The following PDE9A variants were observed in gnomAD, a reference collection of about 807,000 sequenced individuals.
PDE9A encodes the protein phosphodiesterase 9A, also known as high affinity cGMP-specific 3',5'-cyclic phosphodiesterase 9A.
A neutral mutation model predicts 87.4 loss-of-function variants in PDE9A; 60 were observed. The observed-to-expected ratio is 0.69, with a 90% CI of 0.56 to 0.85. The LOEUF is 0.85. Ranked by LOEUF, PDE9A falls within the 40% of genes least tolerant of loss-of-function variation. The pLI, the probability that PDE9A is intolerant of heterozygous loss-of-function variation, is 0.00. For missense variants in PDE9A, 665 were observed against 779.0 expected (o/e 0.85, Z 1.74); for synonymous variants, 272 against 279.4 (o/e 0.97, Z 0.27).
intron 1 of PDE9A, among the ~76,000 whole-genome samples, chr21:42,670,259 TCA>T (rs952649114): frequency 2.0e-4 from 26 of 128,242 alleles, no homozygotes; most frequent in Non-Finnish European, 2.9e-4. Context: ...ATACATACAT[TCA>T]CACACATATT....
intron 1 of PDE9A, among the ~76,000 whole-genome samples, chr21:42,679,116 G>A (rs8131548): frequency 0.024 from 3,711 of 152,302 alleles, 142 homozygotes; most frequent in African/African-American, 0.084. Flanking sequence ...GCTGCACCAG[G>A]ACACATTCAC....
rs368066041 is a variant in PDE9A, at chr21:42,668,478, A to C, written c.69+14595A>C. Reference sequence around the variant, plus strand: ...CGTATCCAGGAGTCAAGCAGATTGCAACTGGCGAGAGGCCTTCAGAAATGC... The same window carrying C: ...CGTATCCAGGAGTCAAGCAGATTGCCACTGGCGAGAGGCCTTCAGAAATGC... On this transcript the variant is annotated intron_variant, in intron 1 of 19. Coordinates refer to ENST00000291539, the MANE Select transcript of PDE9A (RefSeq NM_002606.3). Among the ~76,000 whole-genome samples, 4 of 152,194 alleles carry C rather than the reference A, an allele frequency of 2.6e-5. No individual in the cohort carries two copies. In the East Asian group the frequency reaches 7.7e-4, roughly 29 times the overall value.
chr21:42,699,051 A>G, intron 4 of PDE9A, 40 bp downstream of exon 4: 3 of 1,409,642 alleles, frequency 2.1e-6, no homozygotes, highest in Non-Finnish European at 3.0e-6. Context: ...AAAGAAGGAA[A>G]AAGAAATCTT....
intron 1 of PDE9A, among the ~76,000 whole-genome samples, chr21:42,656,080 C>T (rs1444208889): frequency 1.3e-5 from 2 of 152,336 alleles, no homozygotes; most frequent in East Asian, 1.9e-4. Flanking sequence ...AGCCGCCATT[C>T]CTTCTCTTAA....
intron 10 of PDE9A, 31 bp from the exon 11 acceptor site, chr21:42,758,968 C>T: frequency 6.4e-7 from 1 of 1,554,440 alleles, no homozygotes; most frequent in Non-Finnish European, 8.9e-7. Flanking sequence ...CACACAACTG[C>T]CCAGTGCCTA....
At chr21:42,690,645 A>T (rs1012023353) in intron 3 of PDE9A, among the ~76,000 whole-genome samples, 1 of 151,850 alleles carries the variant, frequency 6.6e-6, no homozygotes, top group African/African-American at 2.4e-5. Flanking sequence ...TCCCTCTGCC[A>T]CTGTTAGGTC....
At position 42,695,320 on chromosome 21, in the gene PDE9A, G is replaced by A. The variant is rs562542450; in HGVS notation, c.219-3648G>A. On this transcript the variant is annotated intron_variant, in intron 3 of 19. Transcript: ENST00000291539. This position sits in a 1 kb window ranked among gnomAD's most constrained non-coding sequence, Gnocchi z 4.3. The stretch of plus-strand genomic sequence containing the variant: ...CTGGTGTCATTTTCCTTTCCAATCC[G>A]GGAACATTCTGGAGATCCTGACATC... Among the ~76,000 whole-genome samples, 121 of 152,334 alleles carry A rather than the reference G, an allele frequency of 7.9e-4. 2 individuals carry two copies. The highest frequency in any genetic ancestry group is 2.7e-3 in the African/African-American group (113 of 41,586).
chr21:42,765,316 T>C lies in PDE9A; in HGVS notation c.1243-65T>C, dbSNP rs2056288087. Reference sequence around the variant, plus strand: ...TGTGTGCAGGGGGCTCAGTACACAGTAGGCCTCCGCTGAATAATTGTTCAG... The same window carrying C: ...TGTGTGCAGGGGGCTCAGTACACAGCAGGCCTCCGCTGAATAATTGTTCAG... On this transcript the variant is annotated intron_variant, in intron 14 of 19. Transcript: ENST00000291539. The C allele has an allele frequency of 9.3e-6, 8 of 864,402 alleles. No homozygotes were observed. The Middle Eastern group carries it at 8.8e-4, about 96-fold the overall frequency. The allele number at this position is 864,402 out of a possible 1,614,324, so 53.5% of individuals were successfully genotyped here.
intron 2 of PDE9A, among the ~76,000 whole-genome samples, chr21:42,686,572 T>C (rs138389979): frequency 6.6e-6 from 1 of 152,312 alleles, no homozygotes; most frequent in East Asian, 1.9e-4. Flanking sequence ...CCCAACACTT[T>C]GAGAGGCCGA....
chr21:42,744,157 G>A (rs936680361), intron 8 of PDE9A, among the ~76,000 whole-genome samples: 11 of 152,140 alleles, frequency 7.2e-5, no homozygotes, highest in Admixed American at 1.3e-4. Flanking sequence ...GTTCAATACC[G>A]GCTTGGCCAA....
chr21:42,674,986 A>G (rs1300128519), intron 1 of PDE9A, among the ~76,000 whole-genome samples: 2 of 152,204 alleles, frequency 1.3e-5, no homozygotes, highest in Non-Finnish European at 2.9e-5. Context: ...AGAAATTCTG[A>G]AAAATGCAGA....
chr21:42,739,274 C>T lies in PDE9A; in HGVS notation c.569-4502C>T, dbSNP rs2052834181. ...GGCCGTCCTGCTGCTGTCTGCAGAC[C>T]TCTCAGGCTTGAGGCCCCCCGCCCC... On this transcript the variant is annotated intron_variant, in intron 7 of 19. Coordinates refer to ENST00000291539, the MANE Select transcript of PDE9A (RefSeq NM_002606.3). The surrounding 1 kb of genome is among the most constrained non-coding windows in gnomAD (Gnocchi z 4.1). Among the ~76,000 whole-genome samples the T allele has an allele frequency of 6.6e-6, 1 of 152,240 alleles. No homozygotes were observed. The highest frequency in any genetic ancestry group is 6.5e-5 in the Admixed American group (1 of 15,292).
chr21:42,717,187 T>TA (rs923164606), intron 4 of PDE9A, among the ~76,000 whole-genome samples: 18 of 151,652 alleles, frequency 1.2e-4, no homozygotes, highest in African/African-American at 3.9e-4. Flanking sequence ...ACTTCCAACT[T>TA]ATATTATATC....
At chr21:42,706,666 C>T (rs2048863325) in intron 4 of PDE9A, among the ~76,000 whole-genome samples, 1 of 151,992 alleles carries the variant, frequency 6.6e-6, no homozygotes, top group African/African-American at 2.4e-5. Context: ...ATTGTACAAC[C>T]TCAGTCTTTT....
chr21:42,653,864 T>G lies in PDE9A; in HGVS notation c.50T>G (p.Ile17Ser). The G allele has an allele frequency of 6.4e-7, 1 of 1,565,592 alleles. No individual in the cohort carries two copies. Among genetic ancestry groups the G allele is most frequent in the Non-Finnish European group, 8.7e-7 (1 of 1,155,584 alleles). The change falls in exon 1 of 20, where the codon ATC (isoleucine) becomes AGC (serine). Residue 17 changes from isoleucine to serine, a missense_variant. Ile to Ser is a moderately radical substitution (Grantham distance 142). Transcript: ENST00000291539. ...SYRPKAIYLD[I>S]DGRIQKVIFS... The stretch of plus-strand genomic sequence containing the variant: ...CGGCCCAAGGCCATCTACCTGGACA[T>G]CGATGGACGCATTCAGAAGGTAGCC...
intron 1 of PDE9A, among the ~76,000 whole-genome samples, chr21:42,670,567 TACAC>T (rs375020882): frequency 4.9e-4 from 73 of 149,200 alleles, no homozygotes; most frequent in Middle Eastern, 3.5e-3. Context: ...CATTCACACA[TACAC>T]ACACCACATA....
At chr21:42,764,501 G>A (rs1488482560) in intron 14 of PDE9A, among the ~76,000 whole-genome samples, 4 of 152,228 alleles carry the variant, frequency 2.6e-5, no homozygotes, top group African/African-American at 9.6e-5. Context: ...CAAAGCAAGT[G>A]AACGCCCCTT....
At position 42,753,958 on chromosome 21, in the gene PDE9A, C is replaced by G. The variant is rs376742102; in HGVS notation, c.736-32C>G. ...ACATCACTGTCACAGGCCCACGGCG[C>G]CTGGTTAACACGGAACTCCTGTCCT... On this transcript the variant is annotated intron_variant, in intron 9 of 19. Transcript: ENST00000291539. 20 of 1,379,270 alleles carry G rather than the reference C, an allele frequency of 1.5e-5. No homozygotes were observed. In the African/African-American group the frequency reaches 2.4e-4, roughly 17 times the overall value. The allele number at this position is 1,379,270 out of a possible 1,614,324, so 85.4% of individuals were successfully genotyped here.
chr21:42,755,754 C>T (rs939498051), intron 10 of PDE9A, among the ~76,000 whole-genome samples: 2 of 152,198 alleles, frequency 1.3e-5, no homozygotes, highest in Non-Finnish European at 2.9e-5. Flanking sequence ...CACACTGACT[C>T]CTGCTCCCAG....
Sources: allele counts gnomAD v4.1 joint callset (sites outside exome capture counted in the v4.1 genomes callset), GRCh38; gene constraint gnomAD v4.1.1; non-coding constraint Gnocchi (gnomAD v3.1); transcripts MANE v1.5; gene names NCBI Gene and HGNC (gene_info 2026-07-23, HGNC 2026-07-21).